PRKAR2B: variants seen among roughly 807,000 people sequenced by gnomAD.
PRKAR2B encodes the protein cAMP-dependent protein kinase type II-beta regulatory subunit.
Under a neutral mutation model 49.9 loss-of-function variants are expected in PRKAR2B, and 14 were observed. The ratio of observed to expected loss-of-function variants is 0.28; its 90% CI spans 0.19 to 0.44. The LOEUF is 0.44. Among genes scored for constraint, PRKAR2B ranks in the 20% least tolerant of loss-of-function variants. The pLI, the probability that PRKAR2B is intolerant of heterozygous loss-of-function variation, is 1.00. For missense variants in PRKAR2B, 393 were observed against 537.9 expected, an observed-to-expected ratio of 0.73 and a Z score of 2.67; for synonymous variants, 196 against 197.7, an observed-to-expected ratio of 0.99 and a Z score of 0.07.
At chr7:107,150,313 A>G (rs1447557011) in intron 6 of PRKAR2B, among the ~76,000 whole-genome samples, 1 of 152,132 alleles carries the variant, frequency 6.6e-6, no homozygotes, top group East Asian at 1.9e-4. Context: ...CTGGAATTAG[A>G]TCTTACTCAA....
chr7:107,146,531 C>G, intron 6 of PRKAR2B, 70 bp downstream of exon 6: 1 of 1,479,554 alleles, frequency 6.8e-7, no homozygotes, highest in African/African-American at 1.4e-5. Context: ...TTACAAATTG[C>G]CGCATGTAGT....
At chr7:107,050,923 T>C (rs1325031880) in intron 1 of PRKAR2B, among the ~76,000 whole-genome samples, 2 of 152,240 alleles carry the variant, frequency 1.3e-5, no homozygotes, top group Non-Finnish European at 2.9e-5. Flanking sequence ...CTTGAACTCC[T>C]GGCTTCAAGC....
At chr7:107,045,795 A>G (rs1456523136) in intron 1 of PRKAR2B, among the ~76,000 whole-genome samples, 5 of 152,188 alleles carry the variant, frequency 3.3e-5, no homozygotes, top group Admixed American at 6.5e-5. Flanking sequence ...TTATTTTCCA[A>G]TTTACCAATA....
chr7:107,061,165 G>C (rs1794019248), intron 1 of PRKAR2B, among the ~76,000 whole-genome samples: 1 of 151,854 alleles, frequency 6.6e-6, no homozygotes, highest in Non-Finnish European at 1.5e-5. Flanking sequence ...CTTGATATAT[G>C]GTATGGTAAC....
rs1331835375 is a variant in PRKAR2B at position 107,160,650 on chromosome 7, T to A, written c.*1068T>A. 1 of 152,220 alleles carries A rather than the reference T, an allele frequency of 6.6e-6. No individual in the cohort carries two copies. The highest frequency in any genetic ancestry group is 1.5e-5 in the Non-Finnish European group (1 of 68,032). 9.4% of individuals were successfully genotyped at this position (152,220 alleles called of 1,614,324 possible). On this transcript the variant is annotated 3_prime_UTR_variant, in exon 11 of 11. Transcript: ENST00000265717. ...CCAATATGGGTTTGTTTGGTTTTTT[T>A]AATTCTTAAAAACATCCTCTAGAGG...
intron 1 of PRKAR2B, among the ~76,000 whole-genome samples, chr7:107,063,509 C>T (rs1346955521): frequency 6.6e-6 from 1 of 152,024 alleles, no homozygotes; most frequent in Non-Finnish European, 1.5e-5. Flanking sequence ...GTCTCTTTTG[C>T]CAGCTCTGGA....
intron 5 of PRKAR2B, among the ~76,000 whole-genome samples, chr7:107,144,302 G>A (rs1451282662): frequency 2.0e-5 from 3 of 151,954 alleles, no homozygotes; most frequent in Admixed American, 2.0e-4. Context: ...TGGCCAGGCT[G>A]GTCTCAAACT....
intron 2 of PRKAR2B, among the ~76,000 whole-genome samples, chr7:107,096,654 A>G (rs1214050700): frequency 6.6e-6 from 1 of 152,184 alleles, no homozygotes; most frequent in Non-Finnish European, 1.5e-5. Flanking sequence ...ATGTAGTGCT[A>G]TAAATTTCCC....
intron 2 of PRKAR2B, among the ~76,000 whole-genome samples, chr7:107,107,222 A>G (rs1350446654): frequency 6.6e-6 from 1 of 152,048 alleles, no homozygotes; most frequent in Non-Finnish European, 1.5e-5. Flanking sequence ...CTGTAATCCC[A>G]GCTACTCGGG....
chr7:107,066,520 C>T (rs1231346223), intron 1 of PRKAR2B: 1 of 152,080 alleles, frequency 6.6e-6, no homozygotes, highest in East Asian at 1.9e-4. Context: ...GCGTCAGTCT[C>T]TTACATTTGA....
chr7:107,152,259 T>C (rs3779500), intron 7 of PRKAR2B, among the ~76,000 whole-genome samples: 128,044 of 152,176 alleles, frequency 0.84, 54,063 homozygotes, highest in East Asian at 0.93. Flanking sequence ...GACTGTCCCA[T>C]TCCCCCACCC....
chr7:107,135,342 G>T (rs747448621), intron 4 of PRKAR2B, among the ~76,000 whole-genome samples: 2 of 152,122 alleles, frequency 1.3e-5, no homozygotes. Flanking sequence ...CAAATTTGTA[G>T]TTCCCTCTCA....
chr7:107,150,675 A>G (rs1795967572), intron 6 of PRKAR2B, among the ~76,000 whole-genome samples: 1 of 148,700 alleles, frequency 6.7e-6, no homozygotes, highest in Non-Finnish European at 1.5e-5. Flanking sequence ...TGTTATGTAT[A>G]AAAAGTCAAC....
chr7:107,131,944 G>C (rs1562866604), intron 4 of PRKAR2B, among the ~76,000 whole-genome samples: 1 of 152,290 alleles, frequency 6.6e-6, no homozygotes, highest in East Asian at 1.9e-4. Flanking sequence ...TTCAAGACCT[G>C]TTTAAAGTGT....
At position 107,157,176 on chromosome 7, in the gene PRKAR2B, G is replaced by T. The variant is rs1372219567; in HGVS notation, c.985-10G>T. 5.0e-6 allele frequency: 8 copies of T among 1,609,456 alleles called. No individual in the cohort carries two copies. Among genetic ancestry groups the T allele is most frequent in the Non-Finnish European group, 6.8e-6 (8 of 1,177,810 alleles). Reference sequence around the variant, plus strand: ...TGAGGAAAAGCTCATCTTTTTAATTGCCTTGTCAGGGTAAATCAGAAGTGG... The same window carrying T: ...TGAGGAAAAGCTCATCTTTTTAATTTCCTTGTCAGGGTAAATCAGAAGTGG... On this transcript the variant is annotated splice_polypyrimidine_tract_variant and intron_variant, in intron 9 of 10. Coordinates refer to ENST00000265717, the MANE Select transcript of PRKAR2B (RefSeq NM_002736.3).
chr7:107,109,554 G>T (rs1795136313), intron 2 of PRKAR2B, among the ~76,000 whole-genome samples: 9 of 151,902 alleles, frequency 5.9e-5, no homozygotes, highest in Admixed American at 2.6e-4. Flanking sequence ...GAGCCACTGT[G>T]CTTGGCCTAC....
At chr7:107,144,916 G>A (rs1248081754) in intron 5 of PRKAR2B, among the ~76,000 whole-genome samples, 2 of 148,796 alleles carry the variant, frequency 1.3e-5, no homozygotes, top group African/African-American at 2.5e-5. Flanking sequence ...TTGAAAGCAT[G>A]TTCTCTGATA....
chr7:107,110,233 C>T (rs1795147019), intron 2 of PRKAR2B, among the ~76,000 whole-genome samples: 1 of 152,150 alleles, frequency 6.6e-6, no homozygotes, highest in South Asian at 2.1e-4. Context: ...CCAGCCCTAG[C>T]TAGAGGAGAA....
At chr7:107,111,580 C>G (rs1009883462) in intron 2 of PRKAR2B, among the ~76,000 whole-genome samples, 13 of 152,184 alleles carry the variant, frequency 8.5e-5, no homozygotes, top group African/African-American at 2.7e-4. Flanking sequence ...GAACAAGAGT[C>G]TCTGCCTGGT....
Sources: gnomAD v4.1 joint callset for allele counts (sites outside exome capture counted in the v4.1 genomes callset) on GRCh38, gnomAD v4.1.1 for gene constraint, MANE v1.5 for transcripts, NCBI Gene and HGNC (gene_info 2026-07-23, HGNC 2026-07-21) for gene names.